Variants in CNTNAP5 observed in about 807,000 individuals in gnomAD.
The protein encoded by CNTNAP5 is contactin-associated protein-like 5.
A neutral mutation model predicts 150.2 loss-of-function variants in CNTNAP5; 72 were observed. The observed-to-expected ratio is 0.48, with a 90% CI of 0.40 to 0.58. CNTNAP5 has a LOEUF of 0.58. Among genes scored for constraint, CNTNAP5 ranks in the 20% least tolerant of loss-of-function variants. The probability of loss-of-function intolerance (pLI) is 0.00; values close to 1 mark genes in which losing one functional copy is unlikely to be tolerated. For synonymous variants in CNTNAP5, 672 were observed against 619.8 expected, an observed-to-expected ratio of 1.08 and a Z score of -1.25; for missense variants, 1,636 against 1,626.2, an observed-to-expected ratio of 1.01 and a Z score of -0.10.
chr2:124,589,912 ACTTAATG>A (rs1323981266), intron 11 of CNTNAP5, among the ~76,000 whole-genome samples: 3 of 152,156 alleles, frequency 2.0e-5, no homozygotes, highest in Non-Finnish European at 4.4e-5. Context: ...CATGTTGAAA[ACTTAATG>A]CTTAATGCAG....
chr2:124,044,897 C>G (rs923929880), intron 1 of CNTNAP5, among the ~76,000 whole-genome samples: 48 of 80,984 alleles, frequency 5.9e-4, no homozygotes, highest in Admixed American at 7.2e-4. Flanking sequence ...GAAACACACA[C>G]ACACACACAC....
intron 1 of CNTNAP5, among the ~76,000 whole-genome samples, chr2:124,216,805 T>C (rs1686168442): frequency 6.6e-6 from 1 of 152,158 alleles, no homozygotes; most frequent in African/African-American, 2.4e-5. Flanking sequence ...GACATTTGAG[T>C]TGGTTCCAAG....
intron 3 of CNTNAP5, among the ~76,000 whole-genome samples, chr2:124,280,262 G>C (rs1300215524): frequency 6.6e-6 from 1 of 151,896 alleles, no homozygotes; most frequent in Non-Finnish European, 1.5e-5. Context: ...CTACCTCCCT[G>C]GTTCAAGCAA....
At chr2:124,304,189 T>C (rs1315134060) in intron 3 of CNTNAP5, among the ~76,000 whole-genome samples, 2 of 152,150 alleles carry the variant, frequency 1.3e-5, no homozygotes, top group Non-Finnish European at 2.9e-5. Flanking sequence ...ACAAGGATAA[T>C]TGAATAAATA....
intron 3 of CNTNAP5, among the ~76,000 whole-genome samples, chr2:124,343,876 G>A (rs921324972): frequency 2.6e-5 from 4 of 152,160 alleles, no homozygotes; most frequent in South Asian, 4.1e-4. Flanking sequence ...AAGCTTTCCT[G>A]CTGCATCGTA....
chr2:124,564,515 C>T (rs1013639680), intron 11 of CNTNAP5, among the ~76,000 whole-genome samples: 12 of 152,042 alleles, frequency 7.9e-5, no homozygotes, highest in African/African-American at 2.4e-4. Context: ...ACCACCACAC[C>T]GGGCTAAATT....
intron 3 of CNTNAP5, among the ~76,000 whole-genome samples, chr2:124,352,204 C>T (rs763467757): frequency 3.9e-5 from 6 of 151,952 alleles, no homozygotes; most frequent in Non-Finnish European, 2.9e-5. Context: ...TTGGAAGATT[C>T]GTTTTTCTAT....
At chr2:124,659,248 C>G (rs1018292437) in intron 13 of CNTNAP5, among the ~76,000 whole-genome samples, 2 of 152,052 alleles carry the variant, frequency 1.3e-5, no homozygotes, top group African/African-American at 4.8e-5. Flanking sequence ...TTATTATTTG[C>G]TGAGAAGAGG....
chr2:124,589,242 T>C (rs996946194), intron 11 of CNTNAP5, among the ~76,000 whole-genome samples: 1 of 152,162 alleles, frequency 6.6e-6, no homozygotes, highest in African/African-American at 2.4e-5. Context: ...TTTCTGTCTC[T>C]ATAGGCTTGT....
intron 11 of CNTNAP5, among the ~76,000 whole-genome samples, chr2:124,601,672 A>C (rs1696987677): frequency 7.3e-6 from 1 of 136,408 alleles, no homozygotes; most frequent in South Asian, 2.4e-4. Context: ...ACGTGCTATT[A>C]GAGAAAATAA....
At chr2:124,048,262 C>G (rs1485913213) in intron 1 of CNTNAP5, among the ~76,000 whole-genome samples, 10 of 152,288 alleles carry the variant, frequency 6.6e-5, no homozygotes, top group East Asian at 1.9e-4. Context: ...AGTTAACCAG[C>G]TCTACTCTAG....
At chr2:124,040,405 A>T (rs1681335551) in intron 1 of CNTNAP5, among the ~76,000 whole-genome samples, 1 of 152,136 alleles carries the variant, frequency 6.6e-6, no homozygotes, top group South Asian at 2.1e-4. Context: ...CTCCTTCAAC[A>T]ATTATCTAAT....
At chr2:124,725,785 G>A (rs1160462576) in intron 13 of CNTNAP5, among the ~76,000 whole-genome samples, 1 of 151,828 alleles carries the variant, frequency 6.6e-6, no homozygotes, top group Non-Finnish European at 1.5e-5. Context: ...AAATTTTTAG[G>A]TTCCTCATGT....
intron 1 of CNTNAP5, among the ~76,000 whole-genome samples, chr2:124,048,351 T>G (rs1017475644): frequency 6.6e-6 from 1 of 152,232 alleles, no homozygotes; most frequent in Non-Finnish European, 1.5e-5. Flanking sequence ...TCGTATATTT[T>G]GAGCACATTC....
chr2:124,118,783 G>A (rs928888772), intron 1 of CNTNAP5, among the ~76,000 whole-genome samples: 10 of 152,104 alleles, frequency 6.6e-5, no homozygotes, highest in East Asian at 5.8e-4. Flanking sequence ...TTTAGTCTTC[G>A]TAATAACCCA....
At chr2:124,705,695 C>A (rs1679622399) in intron 13 of CNTNAP5, among the ~76,000 whole-genome samples, 1 of 148,558 alleles carries the variant, frequency 6.7e-6, no homozygotes. Context: ...TTTTTAATAG[C>A]AAAGAGAGTA....
chr2:124,043,572 A>C (rs991930560), intron 1 of CNTNAP5, among the ~76,000 whole-genome samples: 5 of 151,862 alleles, frequency 3.3e-5, no homozygotes, highest in African/African-American at 9.7e-5. Context: ...TCCCATCATC[A>C]TGTTCTCCTA....
intron 7 of CNTNAP5, among the ~76,000 whole-genome samples, chr2:124,500,199 C>A (rs1504002): frequency 6.6e-6 from 1 of 152,046 alleles, no homozygotes; most frequent in African/African-American, 2.4e-5. Context: ...AAACACACAG[C>A]GCCACACCCA....
At chr2:124,089,863 C>G (rs1344559273) in intron 1 of CNTNAP5, among the ~76,000 whole-genome samples, 1 of 152,196 alleles carries the variant, frequency 6.6e-6, no homozygotes, top group African/African-American at 2.4e-5. Flanking sequence ...GCTGTTCTAG[C>G]CCTTTCATGC....
Sources: allele counts gnomAD v4.1 joint callset (sites outside exome capture counted in the v4.1 genomes callset), GRCh38; gene constraint gnomAD v4.1.1; transcripts MANE v1.5; gene names NCBI Gene and HGNC (gene_info 2026-07-23, HGNC 2026-07-21).